PTPRD: variants seen among roughly 807,000 people sequenced by gnomAD.
PTPRD encodes receptor-type tyrosine-protein phosphatase delta.
In PTPRD, 34 loss-of-function variants were observed where a neutral mutation model predicts 214.5. The observed-to-expected ratio is 0.16, with a 90% CI of 0.12 to 0.21. The LOEUF (loss-of-function observed/expected upper bound fraction) is 0.21, where lower values mean the gene tolerates loss of function less well. PTPRD is among the 10% of genes least tolerant of loss of function. The pLI is 1.00. For synonymous variants in PTPRD, 1,128 were observed against 845.7 expected (o/e 1.33, Z -5.79); for missense variants, 2,545 against 2,398.7 (o/e 1.06, Z -1.27).
intron 10 of PTPRD, among the ~76,000 whole-genome samples, chr9:9,033,559 G>A (rs1228109963): frequency 1.3e-5 from 2 of 152,080 alleles, no homozygotes; most frequent in African/African-American, 2.4e-5. Context: ...GATTCTGATG[G>A]TGAATATCTT....
At chr9:10,277,580 T>TTGAA (rs2094785720) in intron 3 of PTPRD, among the ~76,000 whole-genome samples, 1 of 108,744 alleles carries the variant, frequency 9.2e-6, no homozygotes, top group Non-Finnish European at 2.3e-5. Flanking sequence ...ATATAGAAAA[T>TTGAA]TCAATAAATA....
intron 5 of PTPRD, among the ~76,000 whole-genome samples, chr9:9,782,568 C>T (rs536168793): frequency 2.0e-5 from 3 of 152,282 alleles, no homozygotes; most frequent in East Asian, 1.9e-4. Context: ...TAAAACTGGA[C>T]TCCCTCAACT....
At chr9:9,294,850 AAT>A (rs1952465133) in intron 9 of PTPRD, among the ~76,000 whole-genome samples, 1 of 151,726 alleles carries the variant, frequency 6.6e-6, no homozygotes, top group African/African-American at 2.4e-5. Flanking sequence ...ATAAATTTTA[AAT>A]TTATAAGCTT....
intron 3 of PTPRD, among the ~76,000 whole-genome samples, chr9:10,176,246 T>C (rs1195651576): frequency 6.6e-6 from 1 of 151,912 alleles, no homozygotes; most frequent in Non-Finnish European, 1.5e-5. Flanking sequence ...TATTTTTATA[T>C]AAATTTTTTT....
intron 8 of PTPRD, among the ~76,000 whole-genome samples, chr9:9,429,525 G>T (rs1262190521): frequency 6.6e-6 from 1 of 152,228 alleles, no homozygotes; most frequent in Non-Finnish European, 1.5e-5. Flanking sequence ...AGTAGAAAAA[G>T]AGGGAATCCT....
rs972759066 is a variant in PTPRD, at chr9:8,713,140, G to A, written c.64+20640C>T. 2.0e-5 allele frequency among the ~76,000 whole-genome samples: 3 copies of A among 152,160 alleles called. 1 individual carries two copies. Among genetic ancestry groups the A allele is most frequent in the Non-Finnish European group, 4.4e-5 (3 of 68,022 alleles). On this transcript the variant is annotated intron_variant, in intron 12 of 45. Coordinates refer to ENST00000381196, the MANE Select transcript of PTPRD (RefSeq NM_002839.4). ...AAAAAGACTTAAAAACAACAACAACGATAACAAAACACAACTTCTCCTGCA... is the reference window on the plus strand; with the variant it reads ...AAAAAGACTTAAAAACAACAACAACAATAACAAAACACAACTTCTCCTGCA...
At chr9:8,828,102 G>C (rs959644822) in intron 11 of PTPRD, among the ~76,000 whole-genome samples, 1 of 152,164 alleles carries the variant, frequency 6.6e-6, no homozygotes, top group Admixed American at 6.6e-5. Context: ...ATGAAGAGCT[G>C]GATGCAATGA....
At chr9:9,700,893 A>G (rs764553125) in intron 7 of PTPRD, among the ~76,000 whole-genome samples, 4 of 152,200 alleles carry the variant, frequency 2.6e-5, no homozygotes, top group Non-Finnish European at 4.4e-5. Flanking sequence ...AATCTAACAG[A>G]AAGTTACAGA....
chr9:9,820,921 C>T (rs975558905), intron 5 of PTPRD, among the ~76,000 whole-genome samples: 3 of 152,058 alleles, frequency 2.0e-5, no homozygotes, highest in Non-Finnish European at 2.9e-5. Flanking sequence ...TAATGTAATG[C>T]CTCTGTCCTT....
intron 11 of PTPRD, among the ~76,000 whole-genome samples, chr9:8,882,181 T>C (rs2098451751): frequency 6.6e-6 from 1 of 152,164 alleles, no homozygotes. Flanking sequence ...CCCAAAGAAA[T>C]ACTGTCGACT....
At chr9:8,454,574 C>T (rs1302794841) in intron 33 of PTPRD, 2 of 1,612,900 alleles carry the variant, frequency 1.2e-6, no homozygotes, top group Non-Finnish European at 8.5e-7. Flanking sequence ...GTTCTCTATT[C>T]CTCACCTGTC....
intron 2 of PTPRD, among the ~76,000 whole-genome samples, chr9:10,439,062 C>A (rs1331414865): frequency 2.0e-5 from 3 of 151,788 alleles, no homozygotes; most frequent in Non-Finnish European, 2.9e-5. Context: ...CTGAAAAGTG[C>A]TTGTCCGTTG....
intron 3 of PTPRD, among the ~76,000 whole-genome samples, chr9:10,131,627 G>A (rs1252118934): frequency 9.9e-5 from 15 of 152,088 alleles, no homozygotes; most frequent in Non-Finnish European, 2.1e-4. Context: ...AATTATATAT[G>A]AAGGAAGATG....
At chr9:10,505,441 G>A (rs184563815) in intron 2 of PTPRD, among the ~76,000 whole-genome samples, 1 of 152,282 alleles carries the variant, frequency 6.6e-6, no homozygotes, top group East Asian at 1.9e-4. Context: ...TGCCAATTGT[G>A]TTCTCAAAGA....
At position 9,132,682 on chromosome 9, in the gene PTPRD, T is replaced by C. The variant is rs1179072221; in HGVS notation, c.-143+50622A>G. Reference sequence around the variant, plus strand: ...TGTTTGATTTTAATGCTTCATTCAATTTACTTTGTCCCTAACCAAATATGC... The same window carrying C: ...TGTTTGATTTTAATGCTTCATTCAACTTACTTTGTCCCTAACCAAATATGC... On this transcript the variant is annotated intron_variant, in intron 10 of 45. Transcript: ENST00000381196. Among the ~76,000 whole-genome samples the C allele has an allele frequency of 2.6e-5, 4 of 152,206 alleles. No individual in the cohort carries two copies. The East Asian group carries it at 7.7e-4, about 29-fold the overall frequency.
intron 11 of PTPRD, among the ~76,000 whole-genome samples, chr9:8,995,644 G>A (rs2099393794): frequency 6.6e-6 from 1 of 152,012 alleles, no homozygotes; most frequent in Non-Finnish European, 1.5e-5. Flanking sequence ...ACAGAGAGTT[G>A]AAATCGGGTT....
At chr9:10,294,672 A>C (rs1316858373) in intron 3 of PTPRD, among the ~76,000 whole-genome samples, 1 of 151,988 alleles carries the variant, frequency 6.6e-6, no homozygotes, top group Non-Finnish European at 1.5e-5. Flanking sequence ...CCTCTACTTT[A>C]CAGAGATAAG....
At chr9:10,068,511 G>C (rs141468622) in intron 3 of PTPRD, among the ~76,000 whole-genome samples, 2 of 151,800 alleles carry the variant, frequency 1.3e-5, no homozygotes, top group Non-Finnish European at 2.9e-5. Context: ...TTTCATCTAC[G>C]TAATATGGGA....
At chr9:10,405,816 T>C (rs1472440689) in intron 2 of PTPRD, among the ~76,000 whole-genome samples, 1 of 151,430 alleles carries the variant, frequency 6.6e-6, no homozygotes, top group Non-Finnish European at 1.5e-5. Context: ...GGGAAGACGA[T>C]AGGCATCAAG....
Sources: allele counts gnomAD v4.1 joint callset (sites outside exome capture counted in the v4.1 genomes callset), GRCh38; gene constraint gnomAD v4.1.1; transcripts MANE v1.5; gene names NCBI Gene and HGNC (gene_info 2026-07-23, HGNC 2026-07-21).